The following ATXN10 variants were observed in gnomAD, a reference collection of about 807,000 sequenced individuals.
The protein encoded by ATXN10 is ataxin 10, also known as ataxin-10.
ATXN10 carries 28 observed loss-of-function variants against 52.9 expected under a neutral mutation model. The ratio of observed to expected loss-of-function variants is 0.53; its 90% CI spans 0.39 to 0.73. ATXN10 has a LOEUF of 0.73. Among genes scored for constraint, ATXN10 ranks in the 30% least tolerant of loss-of-function variants. The pLI, the probability that ATXN10 is intolerant of heterozygous loss-of-function variation, is 0.00. For missense variants in ATXN10, 565 were observed against 577.0 expected (o/e 0.98, Z 0.21); for synonymous variants, 226 against 221.5 (o/e 1.02, Z -0.18).
At chr22:45,771,698 T>A (rs955571272) in intron 9 of ATXN10, among the ~76,000 whole-genome samples, 2 of 152,186 alleles carry the variant, frequency 1.3e-5, no homozygotes, top group Admixed American at 1.3e-4. Context: ...ATTACAGGGG[T>A]GAGCCACTGT....
At chr22:45,834,032 T>C (rs1458065535) in intron 10 of ATXN10, among the ~76,000 whole-genome samples, 1 of 152,206 alleles carries the variant, frequency 6.6e-6, no homozygotes, top group Non-Finnish European at 1.5e-5. Flanking sequence ...TTTGTGAGGA[T>C]TGAATGCTTT....
intron 9 of ATXN10, among the ~76,000 whole-genome samples, chr22:45,793,987 A>G (rs900875470): frequency 2.0e-5 from 3 of 152,212 alleles, no homozygotes; most frequent in Non-Finnish European, 4.4e-5. Context: ...ACTCATATTT[A>G]TACCCACTTT....
chr22:45,702,832 C>G lies in ATXN10; in HGVS notation c.632C>G (p.Pro211Arg), dbSNP rs775936822. The change falls in exon 5 of 12, where the codon CCT (proline) becomes CGT (arginine). Residue 211 changes from proline to arginine, a missense_variant. Pro to Arg is a moderately radical substitution (Grantham distance 103). Coordinates refer to ENST00000252934, the MANE Select transcript of ATXN10 (RefSeq NM_013236.4). ...IDVIDAYQKH[P>R]ESEWPFLIIT... is the part of the protein sequence containing the mutation. ...GTCATAGATGCTTACCAAAAACATC[C>G]TGAATCAGAATGGCCGTAAGTATCT... is the stretch of plus-strand genomic sequence containing the variant. 1.2e-6 allele frequency: 2 copies of G among 1,613,806 alleles called. No homozygotes were observed. The highest frequency in any genetic ancestry group is 1.7e-6 in the Non-Finnish European group (2 of 1,179,940).
intron 9 of ATXN10, among the ~76,000 whole-genome samples, chr22:45,758,514 A>G (rs563101275): frequency 6.6e-6 from 1 of 152,266 alleles, no homozygotes; most frequent in South Asian, 2.1e-4. Flanking sequence ...TTCCTAAGGC[A>G]TATCACACGT....
At position 45,770,540 on chromosome 22, in the gene ATXN10, G is replaced by C. The variant is rs1926741326; in HGVS notation, c.1173+30002G>C. 6.6e-6 allele frequency among the ~76,000 whole-genome samples: 1 copy of C among 152,154 alleles called. No individual in the cohort carries two copies. The highest frequency in any genetic ancestry group is 1.5e-5 in the Non-Finnish European group (1 of 68,026). ...AAAGAAAGTTTAACATTGCAGAGGG[G>C]GCTCTGAATGAGCTGGATGATAGGC... On this transcript the variant is annotated intron_variant, in intron 9 of 11. Coordinates refer to ENST00000252934, the MANE Select transcript of ATXN10 (RefSeq NM_013236.4). This position sits in a 1 kb window ranked among gnomAD's most constrained non-coding sequence, Gnocchi z 4.5.
At position 45,733,594 on chromosome 22, in the gene ATXN10, G is replaced by A. The variant is rs1403186552; in HGVS notation, c.894+4004G>A. 6.6e-6 allele frequency among the ~76,000 whole-genome samples: 1 copy of A among 151,954 alleles called. No homozygotes were observed. The highest frequency in any genetic ancestry group is 1.5e-5 in the Non-Finnish European group (1 of 68,014). On this transcript the variant is annotated intron_variant, in intron 7 of 11. Transcript: ENST00000252934. The surrounding 1 kb of genome is among the most constrained non-coding windows in gnomAD (Gnocchi z 4.4). ...CTACTAAAAATACAAAAATTAGCCG[G>A]GTGTGGTGGCGGATGCCTGTAATCC...
At chr22:45,692,878 A>G (rs1923438778) in intron 2 of ATXN10, 118 bp from the exon 3 acceptor site, 1 of 827,674 alleles carries the variant, frequency 1.2e-6, no homozygotes, top group African/African-American at 1.7e-5. Context: ...ATAATAAATA[A>G]TTTAGGCTTT....
chr22:45,779,216 A>G (rs907588137), intron 9 of ATXN10, among the ~76,000 whole-genome samples: 19 of 152,212 alleles, frequency 1.2e-4, no homozygotes, highest in African/African-American at 4.6e-4. Flanking sequence ...TACAGAATGC[A>G]TAATATTGGA....
intron 9 of ATXN10, among the ~76,000 whole-genome samples, chr22:45,800,957 A>G (rs1041674040): frequency 7.9e-5 from 12 of 152,308 alleles, no homozygotes; most frequent in African/African-American, 2.6e-4. Flanking sequence ...GAAACATCCC[A>G]TGTCTTGATT....
intron 10 of ATXN10, among the ~76,000 whole-genome samples, chr22:45,812,569 T>C (rs890086119): frequency 6.6e-6 from 1 of 152,228 alleles, no homozygotes; most frequent in Admixed American, 6.5e-5. Flanking sequence ...GTCAGTCATA[T>C]TATTTAAAAT....
intron 9 of ATXN10, among the ~76,000 whole-genome samples, chr22:45,742,855 A>T (rs181708136): frequency 6.6e-6 from 1 of 152,244 alleles, no homozygotes; most frequent in African/African-American, 2.4e-5. Flanking sequence ...AAATTACTGG[A>T]CTGATTTTTG....
rs1660715972 is a variant in ATXN10, at chr22:45,823,515, G to A, written c.1237+16493G>A. ...ATTTCACCCTTGGCTCTGCAGGACC[G>A]CCTTGTCATAAATCATTGTCCTACA... On this transcript the variant is annotated intron_variant, in intron 10 of 11. Transcript: ENST00000252934. This position sits in a 1 kb window ranked among gnomAD's most constrained non-coding sequence, Gnocchi z 4.9. Among the ~76,000 whole-genome samples the A allele has an allele frequency of 6.6e-6, 1 of 152,024 alleles. No homozygotes were observed. Among genetic ancestry groups the A allele is most frequent in the Admixed American group, 6.5e-5 (1 of 15,270 alleles).
At chr22:45,834,761 C>G (rs946113772) in intron 10 of ATXN10, among the ~76,000 whole-genome samples, 1 of 152,198 alleles carries the variant, frequency 6.6e-6, no homozygotes, top group Non-Finnish European at 1.5e-5. Context: ...CACACATTCT[C>G]TGGAGTCAGA....
rs1236558469 is a variant in ATXN10, at chr22:45,759,560, C to T, written c.1173+19022C>T. ...AGCAGTCTGATCAGGGTGAGGGTTCCGTACTCTTCTTGTGCCATGAAGCAG... is the reference window on the plus strand; with the variant it reads ...AGCAGTCTGATCAGGGTGAGGGTTCTGTACTCTTCTTGTGCCATGAAGCAG... On this transcript the variant is annotated intron_variant, in intron 9 of 11. Transcript: ENST00000252934. The surrounding 1 kb of genome is among the most constrained non-coding windows in gnomAD (Gnocchi z 5.4). Among the ~76,000 whole-genome samples the T allele has an allele frequency of 6.6e-6, 1 of 152,070 alleles. No homozygotes were observed. The highest frequency in any genetic ancestry group is 1.5e-5 in the Non-Finnish European group (1 of 68,000).
At chr22:45,695,120 G>C (rs1255236521) in intron 3 of ATXN10, among the ~76,000 whole-genome samples, 2 of 151,584 alleles carry the variant, frequency 1.3e-5, no homozygotes, top group African/African-American at 4.8e-5. Context: ...CACGAGGTCA[G>C]GAGATCTACC....
At position 45,769,939 on chromosome 22, in the gene ATXN10, T is replaced by G. The variant is rs1018699958; in HGVS notation, c.1173+29401T>G. Among the ~76,000 whole-genome samples, 1 of 152,246 alleles carries G rather than the reference T, an allele frequency of 6.6e-6. No individual in the cohort carries two copies. Among genetic ancestry groups the G allele is most frequent in the Non-Finnish European group, 1.5e-5 (1 of 68,048 alleles). ...AAAATTAAATGTTACCACAAGTATT[T>G]TGTCACTCTATAAATACAGTTCTAA... On this transcript the variant is annotated intron_variant, in intron 9 of 11. Transcript: ENST00000252934. This position sits in a 1 kb window ranked among gnomAD's most constrained non-coding sequence, Gnocchi z 4.2.
chr22:45,694,956 AAAAAAAAAAAC>A (rs1923540308), intron 3 of ATXN10, among the ~76,000 whole-genome samples: 3 of 150,782 alleles, frequency 2.0e-5, no homozygotes, highest in African/African-American at 4.9e-5. Flanking sequence ...AAAAAAAAAA[AAAAAAAAAAAC>A]AAAACCCCAG....
In ATXN10 at chr22:45,835,273, C is replaced by T. The variant is rs1197220502; in HGVS notation, c.1238-7718C>T. Among the ~76,000 whole-genome samples, 4 of 152,236 alleles carry T rather than the reference C, an allele frequency of 2.6e-5. No individual in the cohort carries two copies. The highest frequency in any genetic ancestry group is 2.1e-4 in the South Asian group (1 of 4,822). ...CTCATGGGTCCTGCTTTGCCTGGCG[C>T]GGGCGCTTGAGCTTTCACATCTGGG... is the stretch of plus-strand genomic sequence containing the variant. On this transcript the variant is annotated intron_variant, in intron 10 of 11. Coordinates refer to ENST00000252934, the MANE Select transcript of ATXN10 (RefSeq NM_013236.4). This position sits in a 1 kb window ranked among gnomAD's most constrained non-coding sequence, Gnocchi z 5.0.
rs1922814768 is a variant in ATXN10 at position 45,679,105 on chromosome 22, C to T, written c.116+6926C>T. The T allele has an allele frequency of 2.6e-5, 4 of 152,126 alleles. No individual in the cohort carries two copies. In the South Asian group the frequency reaches 8.3e-4, roughly 32 times the overall value. 9.4% of individuals were successfully genotyped at this position (152,126 alleles called of 1,614,324 possible). ...TTCAGGTGCTTTTGCCCTGTATTCC[C>T]TTGGCACTCTGTGCTTACCTCTTTC... On this transcript the variant is annotated intron_variant, in intron 1 of 11. Coordinates refer to ENST00000252934, the MANE Select transcript of ATXN10 (RefSeq NM_013236.4).
Sources: gnomAD v4.1 joint callset for allele counts (sites outside exome capture counted in the v4.1 genomes callset) on GRCh38, gnomAD v4.1.1 for gene constraint, Gnocchi (gnomAD v3.1) non-coding constraint, MANE v1.5 for transcripts, NCBI Gene and HGNC (gene_info 2026-07-23, HGNC 2026-07-21) for gene names.